UBE3D: variants seen among roughly 807,000 people sequenced by gnomAD.
UBE3D encodes the protein E3 ubiquitin-protein ligase E3D.
Under a neutral mutation model 49.6 loss-of-function variants are expected in UBE3D, and 48 were observed. The ratio of observed to expected loss-of-function variants is 0.97; its 90% confidence interval spans 0.77 to 1.23. UBE3D has a LOEUF of 1.23. Ranked by LOEUF, UBE3D falls within the 50% of genes most tolerant of loss-of-function variation. The pLI is 0.00. For missense variants in UBE3D, 452 were observed against 468.4 expected (o/e 0.96, Z 0.32); for synonymous variants, 189 against 174.2 (o/e 1.08, Z -0.67).
chr6:82,965,583 CA>C (rs35257086), intron 8 of UBE3D, among the ~76,000 whole-genome samples: 51,982 of 86,684 alleles, frequency 0.6, 12,362 homozygotes, highest in Middle Eastern at 0.73. Context: ...AACTCCATCT[CA>C]AAAAAAAAAA....
intron 9 of UBE3D, among the ~76,000 whole-genome samples, chr6:82,942,025 C>A (rs1459443106): frequency 2.0e-5 from 3 of 152,082 alleles, no homozygotes; most frequent in Admixed American, 6.6e-5. Context: ...GGGAAACGGG[C>A]AGAGGTTGGA....
chr6:82,947,987 C>T (rs1053148243), intron 9 of UBE3D, among the ~76,000 whole-genome samples: 1 of 151,482 alleles, frequency 6.6e-6, no homozygotes, highest in African/African-American at 2.4e-5. Flanking sequence ...CCAAACCAAA[C>T]TCAAAATTAG....
At chr6:83,005,981 T>C (rs544404986) in intron 8 of UBE3D, among the ~76,000 whole-genome samples, 5 of 152,134 alleles carry the variant, frequency 3.3e-5, no homozygotes, top group East Asian at 3.9e-4. Context: ...TCCCAGTACG[T>C]TGGGAGGCTG....
In UBE3D at chr6:83,008,456, C is replaced by T. The variant is rs570944080; in HGVS notation, c.1010+10517G>A. On this transcript the variant is annotated intron_variant, in intron 8 of 9. Coordinates refer to ENST00000369747, the MANE Select transcript of UBE3D (RefSeq NM_198920.3). ...AAAATTGTGGAGCAGTAAAAAAAACCGCTGTTGCTCACCAAGATGTGAAAC... is the reference window on the plus strand; with the variant it reads ...AAAATTGTGGAGCAGTAAAAAAAACTGCTGTTGCTCACCAAGATGTGAAAC... Among the ~76,000 whole-genome samples, 16 of 151,960 alleles carry T rather than the reference C, an allele frequency of 1.1e-4. No homozygotes were observed. The East Asian group carries it at 2.5e-3, about 24-fold the overall frequency.
intron 8 of UBE3D, among the ~76,000 whole-genome samples, chr6:82,986,818 T>C (rs1189703868): frequency 6.7e-6 from 1 of 148,554 alleles, no homozygotes; most frequent in African/African-American, 2.4e-5. Context: ...AGCCTTGATC[T>C]CTGGTTTGAA....
intron 8 of UBE3D, among the ~76,000 whole-genome samples, chr6:82,984,379 T>C (rs1003206705): frequency 3.9e-5 from 6 of 152,236 alleles, no homozygotes; most frequent in Non-Finnish European, 8.8e-5. Context: ...GTCGTATGCA[T>C]GTGTCCTTTA....
Position 82,908,310 on chromosome 6 carries a change from C to T in UBE3D, c.1150-15268G>A, listed in dbSNP as rs76311011. 8.2e-3 allele frequency among the ~76,000 whole-genome samples: 1,242 copies of T among 152,108 alleles called. 18 individuals are homozygous for T. Among genetic ancestry groups the T allele is most frequent in the African/African-American group, 0.028 (1,175 of 41,492 alleles). Reference sequence around the variant, plus strand: ...CTCAACCAGGGGACATTTGGCAATGCGTGGAGACATTTTTGGTTGTCATAA... The same window carrying T: ...CTCAACCAGGGGACATTTGGCAATGTGTGGAGACATTTTTGGTTGTCATAA... On this transcript the variant is annotated intron_variant, in intron 9 of 9. Coordinates refer to ENST00000369747, the MANE Select transcript of UBE3D (RefSeq NM_198920.3).
intron 9 of UBE3D, among the ~76,000 whole-genome samples, chr6:82,932,920 C>T (rs1323241708): frequency 6.6e-6 from 1 of 152,110 alleles, no homozygotes; most frequent in African/African-American, 2.4e-5. Context: ...ATTAATAAAA[C>T]ATAGCTAAAA....
chr6:82,932,688 C>G (rs1342684491), intron 9 of UBE3D: 2 of 152,078 alleles, frequency 1.3e-5, no homozygotes, highest in East Asian at 3.9e-4. Flanking sequence ...CCTATTTATC[C>G]ACAGCTATTT....
At chr6:83,020,599 C>G (rs1041175413) in intron 7 of UBE3D, among the ~76,000 whole-genome samples, 9 of 152,030 alleles carry the variant, frequency 5.9e-5, no homozygotes, top group African/African-American at 2.2e-4. Context: ...GTTCCTACTC[C>G]CGATCTTCAA....
chr6:83,034,047 G>C (rs1400049696), intron 5 of UBE3D, among the ~76,000 whole-genome samples: 1 of 152,138 alleles, frequency 6.6e-6, no homozygotes, highest in Non-Finnish European at 1.5e-5. Context: ...TCAAATTGTT[G>C]CTTCACTTTT....
intron 9 of UBE3D, among the ~76,000 whole-genome samples, chr6:82,909,704 A>G (rs1772360904): frequency 6.6e-6 from 1 of 152,184 alleles, no homozygotes; most frequent in Non-Finnish European, 1.5e-5. Flanking sequence ...ACTCACTCTT[A>G]GAAGCTTCAA....
chr6:83,065,813 G>T lies in UBE3D; in HGVS notation c.-95C>A, dbSNP rs958233295. 243 of 1,301,388 alleles carry T rather than the reference G, an allele frequency of 1.9e-4. No individual in the cohort carries two copies. The highest frequency in any genetic ancestry group is 4.8e-4 in the Middle Eastern group (2 of 4,128). 80.6% of individuals were successfully genotyped at this position (1,301,388 alleles called of 1,614,324 possible). On this transcript the variant is annotated 5_prime_UTR_variant, in exon 1 of 10. Transcript: ENST00000369747. ...AGGTTCCACGTGCGGACCAACCAGC[G>T]GCAGCCCCGCTGCGGCGCAGGCGCC...
chr6:83,065,692 G>A lies in UBE3D; in HGVS notation c.27C>T (p.Arg9=), dbSNP rs1467357684. 6.2e-7 allele frequency: 1 copy of A among 1,612,080 alleles called. No individual in the cohort carries two copies. Among genetic ancestry groups the A allele is most frequent in the Admixed American group, 1.7e-5 (1 of 59,916 alleles). The change falls in exon 1 of 10, where the codon CGC becomes CGT. Residue 9 remains arginine (R), a synonymous_variant. Transcript: ENST00000369747. ...GCTGTCCCCGCACCTCCAGAAACACGCGCGTCTCCGCCGCAGAAGCCGCCA... is the reference window on the plus strand; with the variant it reads ...GCTGTCCCCGCACCTCCAGAAACACACGCGTCTCCGCCGCAGAAGCCGCCA... The part of the protein sequence containing the change: MAASAAET[R]VFLEVRGQLQ...
intron 1 of UBE3D, among the ~76,000 whole-genome samples, chr6:83,059,300 G>A (rs1230239783): frequency 6.6e-6 from 1 of 152,144 alleles, no homozygotes; most frequent in African/African-American, 2.4e-5. Context: ...GAGATGGGGA[G>A]GATCACTTAA....
intron 8 of UBE3D, among the ~76,000 whole-genome samples, chr6:82,989,680 C>A (rs1274082906): frequency 6.6e-6 from 1 of 152,098 alleles, no homozygotes; most frequent in East Asian, 1.9e-4. Context: ...TTTGCCTACC[C>A]CTGATCTAAA....
intron 9 of UBE3D, among the ~76,000 whole-genome samples, chr6:82,902,743 A>T (rs1378823489): frequency 6.6e-5 from 10 of 152,078 alleles, no homozygotes; most frequent in Non-Finnish European, 1.5e-4. Context: ...ATTGTATAGA[A>T]CTCAGTACAC....
At chr6:82,984,836 A>T (rs1011020095) in intron 8 of UBE3D, among the ~76,000 whole-genome samples, 3 of 151,992 alleles carry the variant, frequency 2.0e-5, no homozygotes, top group African/African-American at 7.2e-5. Flanking sequence ...ATTTAGATAC[A>T]GGGTTTCACT....
At chr6:82,913,843 C>T (rs1183050008) in intron 9 of UBE3D, among the ~76,000 whole-genome samples, 2 of 152,192 alleles carry the variant, frequency 1.3e-5, no homozygotes, top group East Asian at 1.9e-4. Flanking sequence ...TGCTTATCAA[C>T]TACAACATTC....
Sources: allele counts gnomAD v4.1 joint callset (sites outside exome capture counted in the v4.1 genomes callset), GRCh38; gene constraint gnomAD v4.1.1; transcripts MANE v1.5; gene names NCBI Gene and HGNC (gene_info 2026-07-23, HGNC 2026-07-21).